The following NCK2 variants were observed in gnomAD, a reference collection of about 807,000 sequenced individuals.
NCK2 encodes NCK adaptor protein 2, also known as cytoplasmic protein NCK2.
In NCK2, 16 loss-of-function variants were observed where a neutral mutation model predicts 33.9. That is an observed-to-expected ratio of 0.47 (90% CI 0.32 to 0.72). The LOEUF is 0.72. Ranked by LOEUF, NCK2 falls within the 30% of genes least tolerant of loss-of-function variation. NCK2 has a pLI of 0.03. For synonymous variants in NCK2, 273 were observed against 239.9 expected, an observed-to-expected ratio of 1.14 and a Z score of -1.27; for missense variants, 418 against 537.3, an observed-to-expected ratio of 0.78 and a Z score of 2.19.
At chr2:105,882,117 C>T (rs1678528639) in intron 4 of NCK2, 68 bp downstream of exon 4, 11 of 1,410,554 alleles carry the variant, frequency 7.8e-6, no homozygotes, top group Non-Finnish European at 1.0e-5. Flanking sequence ...GGTCTGTGTG[C>T]CGCGCCCTTT....
At chr2:105,857,942 C>T (rs553188550) in intron 3 of NCK2, among the ~76,000 whole-genome samples, 2 of 152,206 alleles carry the variant, frequency 1.3e-5, no homozygotes, top group East Asian at 3.9e-4. Context: ...ATAGATGTGG[C>T]GTTGCCAAGA....
intron 2 of NCK2, among the ~76,000 whole-genome samples, chr2:105,835,405 A>ATATATATATATATATATGTGTG (rs70953537): frequency 2.6e-5 from 1 of 37,980 alleles, no homozygotes; most frequent in Non-Finnish European, 6.8e-5. Flanking sequence ...ATATATATAT[A>ATATATATATATATATATGTGTG]CGTGTATATA....
At chr2:105,840,998 T>C (rs1437537146) in intron 2 of NCK2, among the ~76,000 whole-genome samples, 2 of 152,232 alleles carry the variant, frequency 1.3e-5, no homozygotes, top group Non-Finnish European at 2.9e-5. Flanking sequence ...GTTGTAACTT[T>C]AGGTCAGTAA....
intron 2 of NCK2, among the ~76,000 whole-genome samples, chr2:105,833,662 T>G (rs1488577108): frequency 6.9e-6 from 1 of 144,276 alleles, no homozygotes; most frequent in Non-Finnish European, 1.6e-5. Context: ...AATTGATTTT[T>G]TGCATTTTTT....
At chr2:105,877,069 G>A (rs776743782) in intron 3 of NCK2, among the ~76,000 whole-genome samples, 3 of 152,140 alleles carry the variant, frequency 2.0e-5, no homozygotes, top group Admixed American at 1.3e-4. Context: ...ACAAGGGATC[G>A]CTGAGTCCCC....
At chr2:105,872,392 G>A (rs1259697057) in intron 3 of NCK2, among the ~76,000 whole-genome samples, 1 of 152,166 alleles carries the variant, frequency 6.6e-6, no homozygotes, top group Non-Finnish European at 1.5e-5. Context: ...GGTGTAGCCT[G>A]TCTTCCTTGC....
intron 2 of NCK2, among the ~76,000 whole-genome samples, chr2:105,841,623 G>T (rs1228970175): frequency 1.3e-5 from 2 of 152,160 alleles, no homozygotes; most frequent in Non-Finnish European, 2.9e-5. Flanking sequence ...CCCCTTCTTG[G>T]AGGGTGGAGG....
chr2:105,781,292 T>C (rs1690489639), intron 1 of NCK2, among the ~76,000 whole-genome samples: 1 of 152,238 alleles, frequency 6.6e-6, no homozygotes, highest in Admixed American at 6.5e-5. Context: ...CGTGCACTTT[T>C]TACACCTCTG....
chr2:105,862,482 CT>C (rs768567059), intron 3 of NCK2, among the ~76,000 whole-genome samples: 5 of 152,166 alleles, frequency 3.3e-5, no homozygotes, highest in Non-Finnish European at 7.3e-5. Context: ...CCAGAGGGGA[CT>C]TCAGATCTAA....
intron 1 of NCK2, among the ~76,000 whole-genome samples, chr2:105,804,872 T>C (rs1260088109): frequency 2.0e-5 from 3 of 152,190 alleles, no homozygotes; most frequent in Non-Finnish European, 2.9e-5. Flanking sequence ...GTGTCTTAGA[T>C]TGCAAACTGG....
Position 105,870,257 on chromosome 2 carries a change from G to T in NCK2, c.227-11071G>T, listed in dbSNP as rs552386245. ...CCTCCCCTTCAGAGAGCAGCCAGCT[G>T]GAGGCTGAGGAGGCAGGGGGCCAGC... On this transcript the variant is annotated intron_variant, in intron 3 of 4. Transcript: ENST00000233154. Among the ~76,000 whole-genome samples the T allele has an allele frequency of 2.3e-3, 349 of 152,328 alleles. 1 individual carries two copies. The highest frequency in any genetic ancestry group is 8.2e-3 in the African/African-American group (339 of 41,576).
intron 2 of NCK2, among the ~76,000 whole-genome samples, chr2:105,828,111 A>G (rs1410037894): frequency 6.6e-6 from 1 of 152,206 alleles, no homozygotes. Context: ...TTTTTTAAAA[A>G]GAAAAAAATG....
chr2:105,823,747 A>G (rs1675836898), intron 2 of NCK2, among the ~76,000 whole-genome samples: 1 of 152,038 alleles, frequency 6.6e-6, no homozygotes, highest in Admixed American at 6.5e-5. Flanking sequence ...CCTGGAAAGT[A>G]AAATATGCCT....
intron 4 of NCK2, among the ~76,000 whole-genome samples, chr2:105,891,992 T>G (rs1679005700): frequency 6.6e-6 from 1 of 152,190 alleles, no homozygotes; most frequent in Non-Finnish European, 1.5e-5. Flanking sequence ...GAACTATGTT[T>G]AAAATGCGAC....
rs183138957 is a variant in NCK2, at chr2:105,811,233, A to G, written c.-200-5197A>G. ...TAAGCTTTGATACATTTTTGGCACC[A>G]CATCATCAATTTTTGATAATGTCCA... On this transcript the variant is annotated intron_variant, in intron 1 of 4. Transcript: ENST00000233154. Among the ~76,000 whole-genome samples, 759 of 151,762 alleles carry G rather than the reference A, an allele frequency of 5.0e-3. 21 individuals are homozygous for G. Among genetic ancestry groups the G allele is most frequent in the Non-Finnish European group, 1.1e-3 (72 of 67,982 alleles).
chr2:105,852,811 A>G (rs17269688), intron 2 of NCK2, among the ~76,000 whole-genome samples: 7,705 of 152,232 alleles, frequency 0.051, 374 homozygotes, highest in African/African-American at 0.12. Context: ...TGAGTTCTAC[A>G]TGGTATGCAC....
chr2:105,852,844 A>T (rs369796107), intron 2 of NCK2, among the ~76,000 whole-genome samples: 7 of 152,314 alleles, frequency 4.6e-5, no homozygotes, highest in African/African-American at 1.7e-4. Flanking sequence ...GAAAGTGGAT[A>T]ACAAAATTGT....
intron 1 of NCK2, among the ~76,000 whole-genome samples, chr2:105,749,158 C>T (rs1313712354): frequency 2.0e-5 from 3 of 152,168 alleles, no homozygotes; most frequent in Non-Finnish European, 4.4e-5. Flanking sequence ...TTAGTCTGTT[C>T]CTATCAACCT....
intron 2 of NCK2, chr2:105,848,701 C>A (rs1360725223): frequency 6.6e-6 from 1 of 152,176 alleles, no homozygotes; most frequent in Admixed American, 6.5e-5. Context: ...TTCCTCTACC[C>A]CTCCCCAGTA....
Sources: gnomAD v4.1 joint callset for allele counts (sites outside exome capture counted in the v4.1 genomes callset) on GRCh38, gnomAD v4.1.1 for gene constraint, MANE v1.5 for transcripts, NCBI Gene and HGNC (gene_info 2026-07-23, HGNC 2026-07-21) for gene names.